The following CLASP1 variants were observed in gnomAD, a reference collection of about 807,000 sequenced individuals.
The protein encoded by CLASP1 is CLIP-associating protein 1.
In CLASP1, 38 loss-of-function variants were observed where a neutral mutation model predicts 192.3. The observed-to-expected ratio is 0.20, with a 90% CI of 0.15 to 0.26. The LOEUF is 0.26. Ranked by LOEUF, CLASP1 falls within the 10% of genes least tolerant of loss-of-function variation. The pLI is 1.00. For missense variants in CLASP1, 1,433 were observed against 1,932.5 expected, an observed-to-expected ratio of 0.74 and a Z score of 4.85; for synonymous variants, 691 against 712.8, an observed-to-expected ratio of 0.97 and a Z score of 0.49.
intron 9 of CLASP1, among the ~76,000 whole-genome samples, chr2:121,469,576 G>C (rs550264015): frequency 1.3e-5 from 2 of 152,072 alleles, no homozygotes; most frequent in East Asian, 1.9e-4. Flanking sequence ...TCTCCTGCAG[G>C]CTCCACCTTA....
exon 22 of CLASP1, chr2:121,425,170 G>GCTA: frequency 6.2e-7 from 1 of 1,611,884 alleles, no homozygotes; most frequent in Non-Finnish European, 8.5e-7. Context: ...TTGTTTCCCG[G>GCTA]CTACATCCCT....
At chr2:121,367,740 G>C in exon 35 of CLASP1, 1 of 1,613,968 alleles carries the variant, frequency 6.2e-7, no homozygotes, top group Non-Finnish European at 8.5e-7. Flanking sequence ...GAGTAGTGAG[G>C]TCTTGTTATC....
intron 8 of CLASP1, among the ~76,000 whole-genome samples, chr2:121,502,831 T>C (rs1010614578): frequency 2.6e-5 from 4 of 152,190 alleles, no homozygotes; most frequent in Admixed American, 6.5e-5. Context: ...GAAGAAAAGA[T>C]ACTGTTTAGG....
intron 39 of CLASP1, among the ~76,000 whole-genome samples, chr2:121,341,401 C>A (rs947015420): frequency 6.6e-6 from 1 of 152,206 alleles, no homozygotes; most frequent in Non-Finnish European, 1.5e-5. Flanking sequence ...CACCTTTAGC[C>A]TCTTGAGTAG....
intron 1 of CLASP1, among the ~76,000 whole-genome samples, chr2:121,639,329 C>T (rs930682891): frequency 4.6e-5 from 7 of 151,926 alleles, no homozygotes; most frequent in Non-Finnish European, 1.0e-4. Flanking sequence ...TGAAATAAGC[C>T]AGTCACAAAA....
intron 19 of CLASP1, among the ~76,000 whole-genome samples, chr2:121,433,728 C>T (rs2081862466): frequency 6.6e-6 from 1 of 152,174 alleles, no homozygotes; most frequent in South Asian, 2.1e-4. Flanking sequence ...TGCACTCCAG[C>T]CTAGGCGACA....
At chr2:121,625,599 TA>T (rs1426762683) in intron 1 of CLASP1, among the ~76,000 whole-genome samples, 1 of 151,914 alleles carries the variant, frequency 6.6e-6, no homozygotes, top group Non-Finnish European at 1.5e-5. Flanking sequence ...CAGTCCCAGT[TA>T]ATTTTTGTAT....
intron 5 of CLASP1, among the ~76,000 whole-genome samples, chr2:121,526,539 C>T (rs1169505430): frequency 6.6e-6 from 1 of 152,122 alleles, no homozygotes; most frequent in African/African-American, 2.4e-5. Context: ...ACTGGAGCTA[C>T]TGTGATCAAA....
intron 7 of CLASP1, among the ~76,000 whole-genome samples, chr2:121,509,042 G>A (rs1395929176): frequency 1.3e-5 from 2 of 152,150 alleles, no homozygotes; most frequent in Non-Finnish European, 1.5e-5. Context: ...GTATTAACTG[G>A]AAACTTCAAT....
intron 16 of CLASP1, 105 bp downstream of exon 16, chr2:121,450,808 T>C (rs1213344245): frequency 1.3e-6 from 1 of 774,792 alleles, no homozygotes; most frequent in African/African-American, 1.8e-5. Flanking sequence ...AAGTCATGGT[T>C]AACAAATATG....
At chr2:121,515,018 A>G (rs544763250) in intron 7 of CLASP1, among the ~76,000 whole-genome samples, 41 of 152,350 alleles carry the variant, frequency 2.7e-4, no homozygotes, top group Admixed American at 6.5e-4. Flanking sequence ...CCTTAAAGGA[A>G]TGACCCAGGG....
chr2:121,502,643 G>A lies in CLASP1; in HGVS notation c.712+524C>T, dbSNP rs183698021. 3.2e-3 allele frequency among the ~76,000 whole-genome samples: 482 copies of A among 152,314 alleles called. 1 individual carries two copies. Among genetic ancestry groups the A allele is most frequent in the Admixed American group, 6.3e-3 (96 of 15,302 alleles). ...ACGATTCAAATGACATCAGAATGGCGGTGGGTGCCAGATCACGCAAGGCCC... is the reference window on the plus strand; with the variant it reads ...ACGATTCAAATGACATCAGAATGGCAGTGGGTGCCAGATCACGCAAGGCCC... On this transcript the variant is annotated intron_variant, in intron 8 of 39. Coordinates refer to ENST00000263710, the Ensembl canonical transcript of CLASP1.
chr2:121,580,379 T>C (rs565312078), intron 2 of CLASP1, among the ~76,000 whole-genome samples: 7 of 152,360 alleles, frequency 4.6e-5, no homozygotes, highest in South Asian at 2.1e-4. Flanking sequence ...TTTCTCTTTA[T>C]AAAATAATGT....
At chr2:121,488,191 C>T (rs542328300) in intron 8 of CLASP1, among the ~76,000 whole-genome samples, 10 of 152,300 alleles carry the variant, frequency 6.6e-5, no homozygotes, top group Admixed American at 5.2e-4. Flanking sequence ...TTTAATTCTG[C>T]ATCTTGTTTT....
chr2:121,407,493 G>A (rs556282108), exon 25 of CLASP1: 7 of 1,613,956 alleles, frequency 4.3e-6, no homozygotes, highest in Non-Finnish European at 5.9e-6. Context: ...TGGCTCTTCA[G>A]TAAGTTCTGC....
At chr2:121,643,109 G>T (rs1202109333) in intron 1 of CLASP1, among the ~76,000 whole-genome samples, 1 of 152,150 alleles carries the variant, frequency 6.6e-6, no homozygotes, top group African/African-American at 2.4e-5. Flanking sequence ...TCACCTAAAC[G>T]CACCATGCTA....
chr2:121,421,052 C>T (rs1176172732), intron 22 of CLASP1, among the ~76,000 whole-genome samples: 1 of 152,082 alleles, frequency 6.6e-6, no homozygotes, highest in Non-Finnish European at 1.5e-5. Flanking sequence ...AACTAATTGT[C>T]CGTTTATGAT....
In CLASP1 at chr2:121,339,793, T is replaced by C. The variant is rs1016649065; in HGVS notation, c.*1068A>G. On this transcript the variant is annotated 3_prime_UTR_variant, in exon 40 of 40. Transcript: ENST00000263710. Reference sequence around the variant, plus strand: ...TTTATAAAATTAAAAAAAATTGTGATATCCAGTCTCTCTAGGCTTTTCTTG... The same window carrying C: ...TTTATAAAATTAAAAAAAATTGTGACATCCAGTCTCTCTAGGCTTTTCTTG... The C allele has an allele frequency of 2.0e-5, 3 of 152,252 alleles. No individual in the cohort carries two copies. The South Asian group carries it at 6.2e-4, about 32-fold the overall frequency. The allele number at this position is 152,252 out of a possible 1,614,324, so 9.4% of individuals were successfully genotyped here. A position where few individuals can be genotyped will look rare whatever the true frequency, so the allele number is the denominator to read the frequency against.
chr2:121,458,343 G>A (rs2087130570), intron 13 of CLASP1, among the ~76,000 whole-genome samples: 1 of 152,148 alleles, frequency 6.6e-6, no homozygotes, highest in South Asian at 2.1e-4. Flanking sequence ...AAAAACCTGT[G>A]TATAAATTAC....
Sources: gnomAD v4.1 joint callset for allele counts (sites outside exome capture counted in the v4.1 genomes callset) on GRCh38, gnomAD v4.1.1 for gene constraint, MANE v1.5 for transcripts, NCBI Gene and HGNC (gene_info 2026-07-23, HGNC 2026-07-21) for gene names.